PRKDC: variants seen among roughly 807,000 people sequenced by gnomAD.
PRKDC encodes the protein protein kinase, DNA-activated, catalytic subunit, also known as DNA-dependent protein kinase catalytic subunit.
PRKDC carries 82 observed loss-of-function variants against 486.9 expected under a neutral mutation model. The observed-to-expected ratio is 0.17, with a 90% CI of 0.14 to 0.20. The LOEUF (loss-of-function observed/expected upper bound fraction) is 0.20, where lower values mean the gene tolerates loss of function less well. Ranked by LOEUF, PRKDC falls within the 10% of genes least tolerant of loss-of-function variation. The pLI is 1.00. For synonymous variants in PRKDC, 1,895 were observed against 1,837.0 expected (o/e 1.03, Z -0.81); for missense variants, 4,504 against 5,038.2 (o/e 0.89, Z 3.21).
At position 47,823,996 on chromosome 8, in the gene PRKDC, C is replaced by T. The variant is rs202100944; in HGVS notation, c.8784G>A (p.Lys2928=). 625 of 1,580,418 alleles carry T rather than the reference C, an allele frequency of 4.0e-4. No individual in the cohort carries two copies. Among genetic ancestry groups the T allele is most frequent in the Middle Eastern group, 2.7e-3 (16 of 5,926 alleles). ...PDVLRWVELA[K]LYRSIGEYDV... ...CGTATTCTCCAATTGATCTATACAG[C>T]CTACAAAACAAATCAAAAAGGCCAA... The change falls in exon 64 of 86, where the codon AAG becomes AAA. Residue 2928 remains lysine (K), a splice_region_variant and synonymous_variant. Transcript: ENST00000314191.
rs1447754779 is a variant in PRKDC at position 47,929,353 on chromosome 8, A to G, written c.2053-175T>C. ...CATTTCAAGGCACAGGCTAGTCAGA[A>G]CAAGAGGAGGGAAGGTGGCAGCTAG... On this transcript the variant is annotated intron_variant, in intron 18 of 85. Transcript: ENST00000314191. Among the ~76,000 whole-genome samples the G allele has an allele frequency of 2.0e-5, 3 of 152,228 alleles. No homozygotes were observed. In the East Asian group the frequency reaches 5.8e-4, roughly 29 times the overall value.
intron 54 of PRKDC, among the ~76,000 whole-genome samples, chr8:47,844,135 T>C (rs892968935): frequency 1.3e-5 from 2 of 152,194 alleles, no homozygotes; most frequent in African/African-American, 4.8e-5. Context: ...TCAACTATCT[T>C]CTCTCTTCAA....
At chr8:47,783,875 C>A (rs901218304) in intron 77 of PRKDC, 66 bp from the exon 78 acceptor site, 9 of 1,454,222 alleles carry the variant, frequency 6.2e-6, no homozygotes, top group Non-Finnish European at 1.9e-6. Context: ...TTAAAACATG[C>A]CTCTTGATCT....
intron 73 of PRKDC, among the ~76,000 whole-genome samples, chr8:47,795,485 G>A (rs563772723): frequency 8.7e-5 from 13 of 149,112 alleles, no homozygotes; most frequent in African/African-American, 3.0e-4. Context: ...CACCGCACCC[G>A]GCCTTTTTTT....
intron 54 of PRKDC, among the ~76,000 whole-genome samples, chr8:47,842,427 A>AGAGAGATCCTATAGAG: frequency 6.6e-6 from 1 of 152,282 alleles, no homozygotes; most frequent in South Asian, 2.1e-4. Flanking sequence ...GCAGGAACCT[A>AGAGAGATCCTATAGAG]GAGAGATCCT....
intron 18 of PRKDC, 43 bp downstream of exon 18, chr8:47,929,810 C>T (rs1317717689): frequency 6.5e-7 from 1 of 1,545,128 alleles, no homozygotes; most frequent in African/African-American, 1.4e-5. Flanking sequence ...ATACTCATGA[C>T]CTAAAAAAAC....
chr8:47,955,973 A>G, intron 3 of PRKDC, 25 bp from the exon 4 acceptor site: 2 of 1,477,434 alleles, frequency 1.4e-6, no homozygotes, highest in Non-Finnish European at 1.9e-6. Context: ...AAAAATAACC[A>G]AAATCATCAA....
chr8:47,907,423 C>T lies in PRKDC; in HGVS notation c.2935-2447G>A, dbSNP rs936660040. Among the ~76,000 whole-genome samples the T allele has an allele frequency of 4.6e-5, 7 of 151,486 alleles. No homozygotes were observed. In the South Asian group the frequency reaches 6.3e-4, roughly 14 times the overall value. On this transcript the variant is annotated intron_variant, in intron 25 of 85. Coordinates refer to ENST00000314191, the MANE Select transcript of PRKDC (RefSeq NM_006904.7). Reference sequence around the variant, plus strand: ...ATATATATATATATACACACACACACACACACACACACACAATACAGACAT... The same window carrying T: ...ATATATATATATATACACACACACATACACACACACACACAATACAGACAT...
At chr8:47,900,524 A>G in intron 27 of PRKDC, 57 bp from the exon 28 acceptor site, 1 of 1,427,586 alleles carries the variant, frequency 7.0e-7, no homozygotes, top group Non-Finnish European at 9.6e-7. Flanking sequence ...AGAAAGGACA[A>G]AGAAAAGAAG....
intron 85 of PRKDC, among the ~76,000 whole-genome samples, chr8:47,775,115 A>T (rs2086582445): frequency 6.6e-6 from 1 of 151,760 alleles, no homozygotes; most frequent in African/African-American, 2.4e-5. Context: ...TGAACCCAGG[A>T]GGTGGGGGTT....
chr8:47,865,926 C>A (rs1021027559), intron 40 of PRKDC, among the ~76,000 whole-genome samples: 4 of 152,002 alleles, frequency 2.6e-5, no homozygotes, highest in Non-Finnish European at 5.9e-5. Flanking sequence ...GAGGCCGAGG[C>A]GGGTGGATCA....
chr8:47,914,278 GCCTAATAGTCTCAAATGTTTAATATC>G (rs1258520996), intron 23 of PRKDC, among the ~76,000 whole-genome samples: 3 of 151,826 alleles, frequency 2.0e-5, no homozygotes, highest in African/African-American at 7.3e-5. Context: ...TTTTAAACAA[GCCTAATAGTCTCAAATGTTTAATATC>G]CAAATTCAGT....
In PRKDC at chr8:47,913,946, A is replaced by C; in HGVS notation, c.2736T>G (p.Pro912=). ...CTGTGAGCGCTAATTCTGTGACTCG[A>C]GGCAGGAACACATCCAGGAAAATGA... The part of the protein sequence containing the change: ...KPVIFLDVFL[P]RVTELALTAS... The change falls in exon 24 of 86, where the codon CCT becomes CCG. Residue 912 remains proline, a synonymous_variant. Coordinates refer to ENST00000314191, the MANE Select transcript of PRKDC (RefSeq NM_006904.7). The C allele has an allele frequency of 6.2e-7, 1 of 1,611,980 alleles. No individual in the cohort carries two copies. The highest frequency in any genetic ancestry group is 8.5e-7 in the Non-Finnish European group (1 of 1,178,946).
intron 52 of PRKDC, 34 bp downstream of exon 52, chr8:47,852,639 G>C (rs372348523): frequency 7.8e-5 from 101 of 1,291,530 alleles, no homozygotes; most frequent in Middle Eastern, 1.9e-4. Context: ...AACAGAGTAA[G>C]AGGTATTTAT....
intron 29 of PRKDC, 31 bp downstream of exon 29, chr8:47,898,438 GA>G (rs869126043): frequency 5.3e-6 from 8 of 1,498,622 alleles, no homozygotes; most frequent in Non-Finnish European, 7.3e-6. Context: ...TATGTTGTGG[GA>G]AAAGACGGAA....
chr8:47,941,848 T>C (rs746672219), intron 10 of PRKDC, among the ~76,000 whole-genome samples: 1 of 152,244 alleles, frequency 6.6e-6, no homozygotes, highest in Non-Finnish European at 1.5e-5. Context: ...ATTTCCTCAA[T>C]GAAACTCTAA....
At chr8:47,852,564 C>G (rs2088433228) in intron 52 of PRKDC, 109 bp downstream of exon 52, 1 of 574,406 alleles carries the variant, frequency 1.7e-6, no homozygotes, top group African/African-American at 1.9e-5. Context: ...AATGCAGATG[C>G]CCATTTTGTT....
Position 47,785,248 on chromosome 8 carries a change from C to A in PRKDC, c.10972G>T (p.Asp3658Tyr). Residue 3658 changes from aspartate to tyrosine, a missense_variant, in exon 77 of 86, where the codon GAC (aspartate) becomes TAC (tyrosine). Asp to Tyr is a radical substitution (Grantham distance 160). This residue lies in a region of PRKDC where 706 missense variants were observed against 945.0 expected (regional missense o/e 0.75). Transcript: ENST00000314191. ...GSKLLRMKLS[D>Y]FNDITNMLLL... Reference sequence around the variant, plus strand: ...AGCATGTTGGTAATGTCGTTGAAGTCACTGAGCTTCATTCTCAGTAGTTTA... The same window carrying A: ...AGCATGTTGGTAATGTCGTTGAAGTAACTGAGCTTCATTCTCAGTAGTTTA... 6.2e-7 allele frequency: 1 copy of A among 1,613,474 alleles called. No homozygotes were observed. The highest frequency in any genetic ancestry group is 1.1e-5 in the South Asian group (1 of 90,972).
chr8:47,847,505 CAGACTTCAATGTA>C (rs1168250386), intron 54 of PRKDC, among the ~76,000 whole-genome samples: 4 of 152,130 alleles, frequency 2.6e-5, no homozygotes, highest in African/African-American at 9.7e-5. Context: ...AGATGGATTA[CAGACTTCAATGTA>C]AGACTTCAAA....
Sources: gnomAD v4.1 joint callset for allele counts (sites outside exome capture counted in the v4.1 genomes callset) on GRCh38, gnomAD v4.1.1 for gene constraint, gnomAD v4.1.1 regional missense constraint, MANE v1.5 for transcripts, NCBI Gene and HGNC (gene_info 2026-07-23, HGNC 2026-07-21) for gene names.